Variants in NAA15 observed in about 807,000 individuals in gnomAD.
NAA15 encodes the protein N-alpha-acetyltransferase 15, NatA auxiliary subunit.
Under a neutral mutation model 114.0 loss-of-function variants are expected in NAA15, and 34 were observed. The observed-to-expected ratio is 0.30, with a 90% CI of 0.23 to 0.40. The LOEUF (loss-of-function observed/expected upper bound fraction) is 0.40, where lower values mean the gene tolerates loss of function less well. Among genes scored for constraint, NAA15 ranks in the 10% least tolerant of loss-of-function variants. The probability of loss-of-function intolerance (pLI) is 1.00; values close to 1 mark genes in which losing one functional copy is unlikely to be tolerated. For missense variants in NAA15, 658 were observed against 1,004.5 expected, an observed-to-expected ratio of 0.66 and a Z score of 4.66; for synonymous variants, 340 against 338.0, an observed-to-expected ratio of 1.01 and a Z score of -0.06.
At chr4:139,374,577 G>A (rs1366531132) in intron 15 of NAA15, among the ~76,000 whole-genome samples, 10 of 152,084 alleles carry the variant, frequency 6.6e-5, no homozygotes, top group Admixed American at 6.5e-4. Context: ...CAGCTTAAAG[G>A]ATTTTCAAGG....
intron 1 of NAA15, among the ~76,000 whole-genome samples, chr4:139,308,676 G>A (rs1746109018): frequency 6.6e-6 from 1 of 152,098 alleles, no homozygotes; most frequent in East Asian, 1.9e-4. Context: ...TCAGCTCACT[G>A]CACTCTCCGA....
intron 3 of NAA15, among the ~76,000 whole-genome samples, chr4:139,340,195 G>T (rs1037037965): frequency 2.6e-5 from 4 of 152,072 alleles, no homozygotes; most frequent in Non-Finnish European, 4.4e-5. Context: ...GCTGGTGTGT[G>T]CCTGTAGTCG....
intron 14 of NAA15, among the ~76,000 whole-genome samples, chr4:139,368,662 T>TA (rs1203092347): frequency 6.6e-6 from 1 of 152,126 alleles, no homozygotes; most frequent in Non-Finnish European, 1.5e-5. Flanking sequence ...CCTTGGTGTA[T>TA]AGTACATGTT....
At chr4:139,331,082 CT>C (rs1021574304) in intron 1 of NAA15, among the ~76,000 whole-genome samples, 8 of 151,246 alleles carry the variant, frequency 5.3e-5, no homozygotes, top group Admixed American at 1.3e-4. Context: ...TTTTAGAGCA[CT>C]TTTTTTTTCT....
At chr4:139,302,622 C>G (rs188202207) in intron 1 of NAA15, 2 of 151,822 alleles carry the variant, frequency 1.3e-5, no homozygotes, top group Non-Finnish European at 2.9e-5. Context: ...CGTTGCAGAC[C>G]TAGACTTTTC....
intron 10 of NAA15, among the ~76,000 whole-genome samples, chr4:139,357,025 T>A (rs971490370): frequency 1.3e-5 from 2 of 152,000 alleles, no homozygotes; most frequent in African/African-American, 4.8e-5. Flanking sequence ...GAGAACATTT[T>A]TAATTTCTTC....
chr4:139,301,745 G>T lies in NAA15; in HGVS notation c.-33G>T, dbSNP rs1168189900. ...CGGACAAACTGACTGACCGAGCCGGGTGGTGGCGGGAGCAGCGGGAGCAGC... is the reference window on the plus strand; with the variant it reads ...CGGACAAACTGACTGACCGAGCCGGTTGGTGGCGGGAGCAGCGGGAGCAGC... On this transcript the variant is annotated 5_prime_UTR_variant, in exon 1 of 20. Transcript: ENST00000296543. 6.4e-7 allele frequency: 1 copy of T among 1,552,926 alleles called. No individual in the cohort carries two copies. The highest frequency in any genetic ancestry group is 8.7e-7 in the Non-Finnish European group (1 of 1,147,128).
At chr4:139,354,901 G>A (rs1017989200) in intron 10 of NAA15, among the ~76,000 whole-genome samples, 1 of 152,048 alleles carries the variant, frequency 6.6e-6, no homozygotes, top group Non-Finnish European at 1.5e-5. Flanking sequence ...TTTTGAGATG[G>A]AGTCTTGCTC....
At chr4:139,311,711 A>G (rs986419712) in intron 1 of NAA15, among the ~76,000 whole-genome samples, 2 of 151,962 alleles carry the variant, frequency 1.3e-5, no homozygotes, top group Non-Finnish European at 2.9e-5. Context: ...ACGTCATTTC[A>G]TAAAGCTTTA....
chr4:139,386,386 G>A, intron 19 of NAA15, 156 bp downstream of exon 19: 1 of 464,034 alleles, frequency 2.2e-6, no homozygotes, highest in South Asian at 3.8e-5. Context: ...TTGGCATTCA[G>A]TAACTAGTTT....
At chr4:139,355,970 A>T (rs1391641845) in intron 10 of NAA15, among the ~76,000 whole-genome samples, 1 of 152,236 alleles carries the variant, frequency 6.6e-6, no homozygotes, top group Non-Finnish European at 1.5e-5. Flanking sequence ...TAGGAAAAGC[A>T]TGATAAATGG....
At chr4:139,306,551 G>A (rs1286360499) in intron 1 of NAA15, among the ~76,000 whole-genome samples, 1 of 151,724 alleles carries the variant, frequency 6.6e-6, no homozygotes, top group Non-Finnish European at 1.5e-5. Flanking sequence ...AAGAGTTTAA[G>A]GAAGACTTGT....
At chr4:139,357,599 G>C (rs1309771061) in intron 11 of NAA15, 44 bp downstream of exon 11, 1 of 1,266,496 alleles carries the variant, frequency 7.9e-7, no homozygotes, top group African/African-American at 1.5e-5. Flanking sequence ...AATGAGACTT[G>C]TCATGAACTT....
chr4:139,387,801 C>T (rs892031773), intron 19 of NAA15, 83 bp from the exon 20 acceptor site: 47 of 1,025,224 alleles, frequency 4.6e-5, no homozygotes, highest in Non-Finnish European at 4.9e-5. Flanking sequence ...TTTTAGAAAT[C>T]TCTTGCTGTT....
chr4:139,341,178 G>T, intron 4 of NAA15, 109 bp downstream of exon 4: 1 of 817,222 alleles, frequency 1.2e-6, no homozygotes. Context: ...TAATTTAATT[G>T]AATTTTTTTT....
chr4:139,337,911 G>T, intron 3 of NAA15, among the ~76,000 whole-genome samples: 1 of 152,200 alleles, frequency 6.6e-6, no homozygotes, highest in East Asian at 1.9e-4. Flanking sequence ...AGAAGTATGT[G>T]AATTGAGAGT....
At chr4:139,374,440 C>A (rs1476990947) in intron 15 of NAA15, among the ~76,000 whole-genome samples, 1 of 152,118 alleles carries the variant, frequency 6.6e-6, no homozygotes, top group African/African-American at 2.4e-5. Flanking sequence ...CTGTCACAGT[C>A]CATTTCAGTT....
rs2058448424 is a variant in NAA15 at position 139,360,489 on chromosome 4, T to C, written c.1411-11T>C. 2 of 1,531,880 alleles carry C rather than the reference T, an allele frequency of 1.3e-6. No individual in the cohort carries two copies. Among genetic ancestry groups the C allele is most frequent in the African/African-American group, 1.4e-5 (1 of 70,790 alleles). The allele number at this position is 1,531,880 out of a possible 1,614,324, so 94.9% of individuals were successfully genotyped here. On this transcript the variant is annotated splice_polypyrimidine_tract_variant and intron_variant, in intron 12 of 19. Transcript: ENST00000296543. ...AAAAAGTGATCTTGAAAATATTTGA[T>C]TTCTGTATAGGAAGGAACATCAGCG...
intron 14 of NAA15, among the ~76,000 whole-genome samples, chr4:139,364,458 A>AG (rs977478909): frequency 6.6e-5 from 10 of 152,190 alleles, no homozygotes; most frequent in Non-Finnish European, 1.5e-4. Context: ...TGTAAGGTGG[A>AG]GGGTGGCTTT....
Sources: gnomAD v4.1 joint callset for allele counts (sites outside exome capture counted in the v4.1 genomes callset) on GRCh38, gnomAD v4.1.1 for gene constraint, MANE v1.5 for transcripts, NCBI Gene and HGNC (gene_info 2026-07-23, HGNC 2026-07-21) for gene names.